The following ITPR2 variants were observed in gnomAD, a reference collection of about 807,000 sequenced individuals.
The protein encoded by ITPR2 is inositol 1,4,5-trisphosphate receptor type 2, also known as inositol 1,4,5-trisphosphate-gated calcium channel ITPR2.
In ITPR2, 207 loss-of-function variants were observed where a neutral mutation model predicts 317.1. The observed-to-expected ratio is 0.65, with a 90% CI of 0.58 to 0.73. ITPR2 has a LOEUF of 0.73. Ranked by LOEUF, ITPR2 falls within the 30% of genes least tolerant of loss-of-function variation. The pLI, the probability that ITPR2 is intolerant of heterozygous loss-of-function variation, is 0.00. For missense variants in ITPR2, 2,613 were observed against 3,284.0 expected (o/e 0.80, Z 4.99); for synonymous variants, 1,156 against 1,149.1 (o/e 1.01, Z -0.12).
At chr12:26,589,567 T>A (rs934589919) in intron 32 of ITPR2, among the ~76,000 whole-genome samples, 7 of 151,260 alleles carry the variant, frequency 4.6e-5, no homozygotes, top group Non-Finnish European at 7.4e-5. Flanking sequence ...GGCGGGCAGA[T>A]CACGAGGTCA....
intron 1 of ITPR2, among the ~76,000 whole-genome samples, chr12:26,819,203 TCAAA>T (rs1592159275): frequency 6.6e-6 from 1 of 152,194 alleles, no homozygotes; most frequent in East Asian, 1.9e-4. Context: ...CAAATAACTC[TCAAA>T]CAAGTCCTCA....
chr12:26,807,367 T>A (rs1026885767), intron 1 of ITPR2, among the ~76,000 whole-genome samples: 1 of 152,174 alleles, frequency 6.6e-6, no homozygotes, highest in Non-Finnish European at 1.5e-5. Flanking sequence ...ACCCATACAT[T>A]GCAAAGTATT....
At chr12:26,713,968 G>A (rs889190646) in intron 8 of ITPR2, among the ~76,000 whole-genome samples, 2 of 152,162 alleles carry the variant, frequency 1.3e-5, no homozygotes, top group Non-Finnish European at 2.9e-5. Context: ...TTTCCCCAGA[G>A]CTTCTCAGTT....
intron 33 of ITPR2, 23 bp from the exon 34 acceptor site, chr12:26,578,856 C>A: frequency 6.3e-7 from 1 of 1,585,010 alleles, no homozygotes. Flanking sequence ...AGAAGGTAGG[C>A]AAAAAGAGAT....
chr12:26,746,385 A>T (rs528924460), intron 2 of ITPR2, among the ~76,000 whole-genome samples: 1 of 152,214 alleles, frequency 6.6e-6, no homozygotes. Context: ...TTGCTGCGGT[A>T]CTCAGGAAGC....
chr12:26,565,827 G>C (rs1228586435), intron 34 of ITPR2, among the ~76,000 whole-genome samples: 1 of 137,302 alleles, frequency 7.3e-6, no homozygotes, highest in Non-Finnish European at 1.5e-5. Context: ...GAAAAGAAGA[G>C]AGGAGAGGAG....
chr12:26,339,308 G>T lies in ITPR2; in HGVS notation c.*89C>A. 1 of 1,101,812 alleles carries T rather than the reference G, an allele frequency of 9.1e-7. No individual in the cohort carries two copies. Among genetic ancestry groups the T allele is most frequent in the Non-Finnish European group, 1.4e-6 (1 of 730,760 alleles). The allele number at this position is 1,101,812 out of a possible 1,614,324, so 68.3% of individuals were successfully genotyped here. ...GTTGTTTTTAACTTTTCAACAATAG[G>T]CACTGTTCACTCCCCTCCATCTCAG... On this transcript the variant is annotated 3_prime_UTR_variant, in exon 57 of 57. Coordinates refer to ENST00000381340, the MANE Select transcript of ITPR2 (RefSeq NM_002223.4).
At chr12:26,727,035 C>A (rs1254428292) in intron 2 of ITPR2, among the ~76,000 whole-genome samples, 1 of 152,018 alleles carries the variant, frequency 6.6e-6, no homozygotes, top group Non-Finnish European at 1.5e-5. Context: ...AAACAGATAC[C>A]TTCAAACTGC....
At chr12:26,753,358 C>T (rs966091775) in intron 2 of ITPR2, among the ~76,000 whole-genome samples, 8 of 152,154 alleles carry the variant, frequency 5.3e-5, no homozygotes, top group African/African-American at 1.7e-4. Context: ...TCTTTGCTGA[C>T]CGCTATGGGT....
chr12:26,574,243 AC>A (rs1322922748), intron 34 of ITPR2, among the ~76,000 whole-genome samples: 1 of 151,994 alleles, frequency 6.6e-6, no homozygotes, highest in African/African-American at 2.4e-5. Context: ...GCCTATTCTA[AC>A]CTTCAAAAGT....
intron 2 of ITPR2, among the ~76,000 whole-genome samples, chr12:26,768,448 A>C (rs1179109653): frequency 8.6e-6 from 1 of 116,404 alleles, no homozygotes; most frequent in East Asian, 2.0e-4. Flanking sequence ...AAAATAAAAA[A>C]TAAAAAATAA....
chr12:26,655,912 A>G (rs1947360176), intron 19 of ITPR2, 60 bp from the exon 20 acceptor site: 1 of 1,490,338 alleles, frequency 6.7e-7, no homozygotes, highest in African/African-American at 1.4e-5. Context: ...TAAAAATAGG[A>G]AAACACACGT....
At chr12:26,346,268 G>C (rs1452790640) in intron 55 of ITPR2, among the ~76,000 whole-genome samples, 1 of 152,190 alleles carries the variant, frequency 6.6e-6, no homozygotes, top group African/African-American at 2.4e-5. Context: ...AAGACCATTA[G>C]ATAGAAGTGT....
intron 45 of ITPR2, among the ~76,000 whole-genome samples, chr12:26,474,952 C>G (rs1178830069): frequency 6.6e-6 from 1 of 152,196 alleles, no homozygotes. Context: ...AATGCACCCC[C>G]TCACTTCACA....
At chr12:26,380,697 C>A (rs1436015385) in intron 55 of ITPR2, among the ~76,000 whole-genome samples, 1 of 151,998 alleles carries the variant, frequency 6.6e-6, no homozygotes, top group East Asian at 1.9e-4. Flanking sequence ...AACAATAATG[C>A]AGAAATTAAG....
chr12:26,541,311 C>T (rs1296762171), intron 37 of ITPR2, among the ~76,000 whole-genome samples: 1 of 151,970 alleles, frequency 6.6e-6, no homozygotes, highest in Non-Finnish European at 1.5e-5. Context: ...GAGTGAAACT[C>T]CATCTCAAAA....
At chr12:26,373,664 C>G (rs1039493154) in intron 55 of ITPR2, 2 of 152,152 alleles carry the variant, frequency 1.3e-5, no homozygotes, top group African/African-American at 2.4e-5. Flanking sequence ...AAGTACTAAC[C>G]AGGCCCAACT....
intron 4 of ITPR2, 24 bp downstream of exon 4, chr12:26,724,632 C>T (rs1342544966): frequency 7.0e-7 from 1 of 1,424,940 alleles, no homozygotes; most frequent in Non-Finnish European, 9.8e-7. Context: ...AAAATACTCA[C>T]CTCGTTTAAG....
chr12:26,523,515 G>A (rs996736210), intron 37 of ITPR2, among the ~76,000 whole-genome samples: 1 of 145,736 alleles, frequency 6.9e-6, no homozygotes. Context: ...AAAAACAATG[G>A]CAAAATCTTT....
Sources: allele counts gnomAD v4.1 joint callset (sites outside exome capture counted in the v4.1 genomes callset), GRCh38; gene constraint gnomAD v4.1.1; transcripts MANE v1.5; gene names NCBI Gene and HGNC (gene_info 2026-07-23, HGNC 2026-07-21).